Variants in MMP11 observed in about 807,000 individuals in gnomAD.
MMP11 encodes the protein matrix metallopeptidase 11.
Under a neutral mutation model 49.5 loss-of-function variants are expected in MMP11, and 26 were observed. The ratio of observed to expected loss-of-function variants is 0.52; its 90% CI spans 0.38 to 0.73. The LOEUF is 0.73. MMP11 is among the 30% of genes least tolerant of loss of function. The pLI is 0.00. For synonymous variants in MMP11, 265 were observed against 282.3 expected (o/e 0.94, Z 0.62); for missense variants, 624 against 671.2 (o/e 0.93, Z 0.78).
chr22:23,776,462 A>T (rs1318857054), intron 1 of MMP11, among the ~76,000 whole-genome samples: 1 of 152,190 alleles, frequency 6.6e-6, no homozygotes, highest in African/African-American at 2.4e-5. Flanking sequence ...CCTGGTGGAT[A>T]TTGGAAGCCC....
Position 23,772,978 on chromosome 22 carries a change from G to A in MMP11, c.108G>A (p.Pro36=). 8.3e-7 allele frequency: 1 copy of A among 1,201,174 alleles called. No homozygotes were observed. Among genetic ancestry groups the A allele is most frequent in the Non-Finnish European group, 1.0e-6 (1 of 965,746 alleles). The allele number at this position is 1,201,174 out of a possible 1,614,324, so 74.4% of individuals were successfully genotyped here. ...PPPLLARALP[P]DAHHLHAERR... ...CGCTGCTGGCCCGGGCTCTGCCGCC[G>A]GTGAGTGCCCGCCACTCGCCGGCCG... Residue 36 remains proline, a splice_region_variant and synonymous_variant, in exon 1 of 8, where the codon CCG becomes CCA. Coordinates refer to ENST00000215743, the MANE Select transcript of MMP11 (RefSeq NM_005940.5).
At chr22:23,781,871 A>T in intron 6 of MMP11, 1 of 617,518 alleles carries the variant, frequency 1.6e-6, no homozygotes, top group Non-Finnish European at 3.1e-6. Flanking sequence ...AAGGCACAGC[A>T]TGGGAAACCT....
intron 2 of MMP11, chr22:23,779,863 C>T (rs548339832): frequency 4.3e-5 from 11 of 258,600 alleles, no homozygotes; most frequent in Non-Finnish European, 6.7e-5. Flanking sequence ...CAGTGGTAAG[C>T]GGGGAGAGGC....
chr22:23,782,099 G>A, intron 6 of MMP11, 127 bp from the exon 7 acceptor site: 1 of 1,391,506 alleles, frequency 7.2e-7, no homozygotes, highest in African/African-American at 1.4e-5. Flanking sequence ...GGCATTATTG[G>A]CCTGCATGTT....
Position 23,781,564 on chromosome 22 carries a change from C to T in MMP11, c.1075+155C>T, listed in dbSNP as rs528646914. 5.4e-6 allele frequency: 4 copies of T among 739,658 alleles called. No individual in the cohort carries two copies. In the East Asian group the frequency reaches 1.1e-4, roughly 20 times the overall value. The allele number at this position is 739,658 out of a possible 1,614,324, so 45.8% of individuals were successfully genotyped here. On this transcript the variant is annotated intron_variant, in intron 6 of 7. Coordinates refer to ENST00000215743, the MANE Select transcript of MMP11 (RefSeq NM_005940.5). Reference sequence around the variant, plus strand: ...CGAGGGAGAGAGAGTGTGGTTTGTTCCTCAGGCACAGGTAGGAGGTTCTCG... The same window carrying T: ...CGAGGGAGAGAGAGTGTGGTTTGTTTCTCAGGCACAGGTAGGAGGTTCTCG...
chr22:23,779,864 G>T (rs768781532), intron 2 of MMP11: 1 of 260,238 alleles, frequency 3.8e-6, no homozygotes, highest in Non-Finnish European at 7.4e-6. Context: ...AGTGGTAAGC[G>T]GGGAGAGGCA....
At chr22:23,781,573 C>A in intron 6 of MMP11, 164 bp downstream of exon 6, 1 of 699,540 alleles carries the variant, frequency 1.4e-6, no homozygotes, top group Non-Finnish European at 2.4e-6. Context: ...TCCTCAGGCA[C>A]AGGTAGGAGG....
chr22:23,781,163 C>T, intron 5 of MMP11, 30 bp from the exon 6 acceptor site: 1 of 1,609,522 alleles, frequency 6.2e-7, no homozygotes, highest in Non-Finnish European at 8.5e-7. Context: ...AGCATATGCC[C>T]TCAGCATGTG....
At chr22:23,779,037 C>T in intron 1 of MMP11, 150 bp from the exon 2 acceptor site, 1 of 642,046 alleles carries the variant, frequency 1.6e-6, no homozygotes, top group Middle Eastern at 3.2e-4. Context: ...CCAAAGGGCC[C>T]TGCCATGTGC....
In MMP11 at chr22:23,782,403, T is replaced by C. The variant is rs774505060; in HGVS notation, c.1253T>C (p.Val418Ala). ...CGTTTCCACCCCAGCACCCGGCGTG[T>C]AGACAGTCCCGTGCCCCGCAGGGCC... Reference protein sequence around the residue: ...YWRFHPSTRRVDSPVPRRATD... With the variant: ...YWRFHPSTRRADSPVPRRATD... The change falls in exon 7 of 8, where the codon GTA becomes GCA. Residue 418 changes from valine to alanine, a missense_variant. Val to Ala is a moderately conservative substitution (Grantham distance 64, BLOSUM62 0). Transcript: ENST00000215743. 8 of 1,613,814 alleles carry C rather than the reference T, an allele frequency of 5.0e-6. No homozygotes were observed. The highest frequency in any genetic ancestry group is 1.1e-5 in the South Asian group (1 of 91,058).
Position 23,780,768 on chromosome 22 carries a change from T to C in MMP11, c.616+53T>C. The C allele has an allele frequency of 6.4e-7, 1 of 1,556,904 alleles. No individual in the cohort carries two copies. Among genetic ancestry groups the C allele is most frequent in the Non-Finnish European group, 8.7e-7 (1 of 1,152,792 alleles). On this transcript the variant is annotated intron_variant, in intron 4 of 7. Transcript: ENST00000215743. This position sits in a 1 kb window ranked among gnomAD's most constrained non-coding sequence, Gnocchi z 4.6. ...TGGGGCAACCGAAGATCATAAAGAA[T>C]GGGGACTCGCCAAGGTCACTGAGCT...
In MMP11 at chr22:23,772,881, C is replaced by T; in HGVS notation, c.11C>T (p.Ala4Val). MAP[A>V]AWLRSAAARA... is the part of the protein sequence containing the mutation. ...GCAGCCCCGGGGCGGATGGCTCCGG[C>T]CGCCTGGCTCCGCAGCGCGGCCGCG... Residue 4 changes from alanine to valine, a missense_variant, in exon 1 of 8, where the codon GCC becomes GTC. By Grantham distance (64) the Ala-to-Val change is moderately conservative. Transcript: ENST00000215743. The T allele has an allele frequency of 2.6e-6, 3 of 1,159,572 alleles. No homozygotes were observed. Among genetic ancestry groups the T allele is most frequent in the African/African-American group, 1.6e-5 (1 of 61,688 alleles). The allele number at this position is 1,159,572 out of a possible 1,614,324, so 71.8% of individuals were successfully genotyped here. A position where few individuals can be genotyped will look rare whatever the true frequency, so the allele number is the denominator to read the frequency against.
chr22:23,783,390 T>C (rs1440686760), intron 7 of MMP11, 21 bp from the exon 8 acceptor site: 3 of 1,613,302 alleles, frequency 1.9e-6, no homozygotes, highest in Admixed American at 3.3e-5. Context: ...TCGCCCAGGC[T>C]TGACCACCTT....
chr22:23,783,655 A>G lies in MMP11; in HGVS notation c.*111A>G, dbSNP rs531541733. 73 of 1,446,466 alleles carry G rather than the reference A, an allele frequency of 5.0e-5. No homozygotes were observed. The African/African-American group carries it at 8.1e-4, about 16-fold the overall frequency. The allele number at this position is 1,446,466 out of a possible 1,614,324, so 89.6% of individuals were successfully genotyped here. ...GGGCACCAGGCATGGGACTGAGCCC[A>G]TGTCTCCTCAGGGGGATGGGGTGGG... On this transcript the variant is annotated 3_prime_UTR_variant, in exon 8 of 8. Coordinates refer to ENST00000215743, the MANE Select transcript of MMP11 (RefSeq NM_005940.5).
At chr22:23,775,981 G>A (rs1190680213) in intron 1 of MMP11, among the ~76,000 whole-genome samples, 2 of 152,234 alleles carry the variant, frequency 1.3e-5, no homozygotes, top group Non-Finnish European at 2.9e-5. Flanking sequence ...TTGAGGCTAA[G>A]AGAGGAAGGT....
At chr22:23,776,745 C>T (rs1275536679) in intron 1 of MMP11, among the ~76,000 whole-genome samples, 2 of 151,632 alleles carry the variant, frequency 1.3e-5, no homozygotes, top group African/African-American at 4.8e-5. Context: ...GAGGTTCCAT[C>T]AGGGGCTAAG....
intron 6 of MMP11, chr22:23,781,967 C>A (rs1927650412): frequency 3.0e-6 from 2 of 675,872 alleles, no homozygotes; most frequent in Non-Finnish European, 5.5e-6. Flanking sequence ...GTGGAAGGAG[C>A]AGCCGCCCAG....
intron 2 of MMP11, chr22:23,779,676 C>T (rs28363653): frequency 0.018 from 9,858 of 542,720 alleles, 423 homozygotes; most frequent in African/African-American, 0.12. Flanking sequence ...CACATGCCTG[C>T]GGACGGGTGT....
intron 1 of MMP11, among the ~76,000 whole-genome samples, chr22:23,776,990 G>A (rs1927432805): frequency 6.6e-6 from 1 of 151,168 alleles, no homozygotes; most frequent in African/African-American, 2.4e-5. Context: ...TGTATTTTTA[G>A]TAGAGACGGG....
Sources: allele counts gnomAD v4.1 joint callset (sites outside exome capture counted in the v4.1 genomes callset), GRCh38; gene constraint gnomAD v4.1.1; non-coding constraint Gnocchi (gnomAD v3.1); transcripts MANE v1.5; gene names NCBI Gene and HGNC (gene_info 2026-07-23, HGNC 2026-07-21).